PTK2: variants seen among roughly 807,000 people sequenced by gnomAD.
PTK2 encodes protein tyrosine kinase 2, also known as focal adhesion kinase 1.
A neutral mutation model predicts 150.1 loss-of-function variants in PTK2; 45 were observed. The ratio of observed to expected loss-of-function variants is 0.30; its 90% CI spans 0.24 to 0.38. The LOEUF is 0.38. Among genes scored for constraint, PTK2 ranks in the 10% least tolerant of loss-of-function variants. The pLI is 1.00. For synonymous variants in PTK2, 432 were observed against 449.2 expected (o/e 0.96, Z 0.48); for missense variants, 919 against 1,307.3 (o/e 0.70, Z 4.58).
chr8:140,705,431 T>C (rs375214604), intron 24 of PTK2, among the ~76,000 whole-genome samples: 4 of 152,148 alleles, frequency 2.6e-5, no homozygotes, highest in East Asian at 1.9e-4. Flanking sequence ...CAGAAACCTC[T>C]GATACTAGAA....
chr8:140,706,084 A>G lies in PTK2; in HGVS notation c.2229+35T>C, dbSNP rs1215145842. 8 of 1,517,432 alleles carry G rather than the reference A, an allele frequency of 5.3e-6. No homozygotes were observed. The South Asian group carries it at 8.0e-5, about 15-fold the overall frequency. 94.0% of individuals were successfully genotyped at this position (1,517,432 alleles called of 1,614,324 possible). A position where few individuals can be genotyped will look rare whatever the true frequency, so the allele number is the denominator to read the frequency against. ...CTACCCCAAAAGCGCTAAATAATAA[A>G]ATAACACAGTTTATATCTGTAATGA... On this transcript the variant is annotated intron_variant, in intron 24 of 31. Transcript: ENST00000522684.
intron 1 of PTK2, among the ~76,000 whole-genome samples, chr8:140,990,524 G>A (rs1047330513): frequency 6.6e-6 from 1 of 152,116 alleles, no homozygotes; most frequent in African/African-American, 2.4e-5. Context: ...TTACAGGCGT[G>A]AGTCAACATG....
At chr8:140,891,654 CA>C (rs1402867552) in intron 2 of PTK2, among the ~76,000 whole-genome samples, 1 of 152,142 alleles carries the variant, frequency 6.6e-6, no homozygotes, top group East Asian at 1.9e-4. Flanking sequence ...AGCAAGGGAT[CA>C]AATCTTGGAT....
intron 7 of PTK2, among the ~76,000 whole-genome samples, chr8:140,844,955 G>A (rs1184055669): frequency 2.6e-5 from 4 of 151,926 alleles, no homozygotes; most frequent in African/African-American, 9.7e-5. Flanking sequence ...AGTGGCCCAC[G>A]ACAGAAAACC....
chr8:140,732,434 A>C (rs1270598487), intron 22 of PTK2: 1 of 424,530 alleles, frequency 2.4e-6, no homozygotes, highest in East Asian at 7.9e-5. Flanking sequence ...TTTTGGAGAT[A>C]ATTTACCTCA....
intron 1 of PTK2, among the ~76,000 whole-genome samples, chr8:140,990,258 A>G (rs1380558620): frequency 6.6e-6 from 1 of 150,822 alleles, no homozygotes; most frequent in Non-Finnish European, 1.5e-5. Flanking sequence ...ATTTTGAGAC[A>G]GGGTCTCCCT....
At chr8:140,830,084 TACAC>T (rs67413157) in intron 8 of PTK2, among the ~76,000 whole-genome samples, 9,930 of 149,262 alleles carry the variant, frequency 0.067, 418 homozygotes, top group African/African-American at 0.13. Flanking sequence ...CGCACACACA[TACAC>T]ACACACACAC....
intron 11 of PTK2, among the ~76,000 whole-genome samples, chr8:140,801,145 A>G (rs532107255): frequency 6.6e-6 from 1 of 152,300 alleles, no homozygotes; most frequent in East Asian, 1.9e-4. Flanking sequence ...GATGTCACCA[A>G]ACTCACAGAA....
intron 1 of PTK2, among the ~76,000 whole-genome samples, chr8:140,950,285 C>T (rs1168188184): frequency 2.0e-5 from 3 of 152,250 alleles, no homozygotes; most frequent in Non-Finnish European, 2.9e-5. Flanking sequence ...AATCCCCGAG[C>T]CAGGGCTATG....
intron 31 of PTK2, among the ~76,000 whole-genome samples, chr8:140,660,294 A>G (rs1347450526): frequency 1.3e-5 from 2 of 152,232 alleles, no homozygotes; most frequent in Non-Finnish European, 2.9e-5. Context: ...ACTGAGATAC[A>G]GTAAGATGTG....
At chr8:140,983,955 GA>G (rs2154610017) in intron 1 of PTK2, 1 of 152,394 alleles carries the variant, frequency 6.6e-6, no homozygotes, top group African/African-American at 2.4e-5. Context: ...AGGAGTTCAA[GA>G]CCAGCCTGGC....
intron 2 of PTK2, among the ~76,000 whole-genome samples, chr8:140,920,003 T>C (rs1231679594): frequency 6.6e-6 from 1 of 152,124 alleles, no homozygotes; most frequent in Admixed American, 6.5e-5. Flanking sequence ...AGTCTATACC[T>C]CTACTCATAA....
At chr8:140,749,319 T>C (rs1418918184) in intron 17 of PTK2, among the ~76,000 whole-genome samples, 1 of 152,244 alleles carries the variant, frequency 6.6e-6, no homozygotes, top group Non-Finnish European at 1.5e-5. Context: ...ACTTTCAATT[T>C]ACTGTAAGTA....
intron 1 of PTK2, among the ~76,000 whole-genome samples, chr8:140,951,108 C>T (rs922686155): frequency 2.6e-5 from 4 of 152,094 alleles, no homozygotes; most frequent in African/African-American, 9.7e-5. Context: ...TCAGGGAGGC[C>T]TTCCTTTCTG....
At chr8:140,702,081 T>C (rs2100030809) in intron 25 of PTK2, among the ~76,000 whole-genome samples, 2 of 115,848 alleles carry the variant, frequency 1.7e-5, no homozygotes, top group South Asian at 5.7e-4. Context: ...TAAGCCAAGA[T>C]CGTGCCACTG....
At chr8:140,704,965 T>G (rs1337538878) in intron 24 of PTK2, among the ~76,000 whole-genome samples, 1 of 152,146 alleles carries the variant, frequency 6.6e-6, no homozygotes, top group African/African-American at 2.4e-5. Context: ...AAAACTCAAA[T>G]GATTCACTCT....
intron 2 of PTK2, among the ~76,000 whole-genome samples, chr8:140,916,903 A>T (rs964552634): frequency 6.6e-6 from 1 of 152,212 alleles, no homozygotes; most frequent in Admixed American, 6.5e-5. Context: ...CATCTGGAAA[A>T]TGGGGATAAT....
intron 1 of PTK2, among the ~76,000 whole-genome samples, chr8:140,981,008 C>T (rs2100191199): frequency 6.7e-6 from 1 of 149,750 alleles, no homozygotes; most frequent in South Asian, 2.1e-4. Context: ...GATCCGCCCA[C>T]CTCGGCCTCC....
chr8:140,778,456 A>C (rs1566165965), intron 14 of PTK2, among the ~76,000 whole-genome samples: 3 of 152,196 alleles, frequency 2.0e-5, no homozygotes, highest in African/African-American at 4.8e-5. Context: ...GTCTCAAAAA[A>C]AGTAGTAGAT....
Sources: allele counts gnomAD v4.1 joint callset (sites outside exome capture counted in the v4.1 genomes callset), GRCh38; gene constraint gnomAD v4.1.1; transcripts MANE v1.5; gene names NCBI Gene and HGNC (gene_info 2026-07-23, HGNC 2026-07-21).